Variants in NDST4 observed in about 807,000 individuals in gnomAD.
NDST4 encodes N-deacetylase and N-sulfotransferase 4, also known as N-heparan sulfate sulfotransferase 4.
A neutral mutation model predicts 100.8 loss-of-function variants in NDST4; 63 were observed. The ratio of observed to expected loss-of-function variants is 0.62; its 90% CI spans 0.51 to 0.77. The LOEUF is 0.77. Ranked by LOEUF, NDST4 falls within the 30% of genes least tolerant of loss-of-function variation. The pLI is 0.00. For missense variants in NDST4, 943 were observed against 1,018.4 expected (o/e 0.93, Z 1.01); for synonymous variants, 377 against 361.8 (o/e 1.04, Z -0.48).
chr4:114,915,732 T>C (rs2126216826), intron 6 of NDST4, among the ~76,000 whole-genome samples: 1 of 152,198 alleles, frequency 6.6e-6, no homozygotes, highest in South Asian at 2.1e-4. Flanking sequence ...CAGTGGACAG[T>C]GTAATATTAC....
chr4:114,918,163 C>T (rs1725213028), intron 6 of NDST4, among the ~76,000 whole-genome samples: 1 of 151,950 alleles, frequency 6.6e-6, no homozygotes, highest in African/African-American at 2.4e-5. Context: ...TTCTTTAAGT[C>T]AAACTTGTGC....
chr4:115,089,182 G>A (rs1295218413), intron 1 of NDST4, among the ~76,000 whole-genome samples: 2 of 151,976 alleles, frequency 1.3e-5, no homozygotes, highest in Non-Finnish European at 2.9e-5. Context: ...GTGGTGGATG[G>A]AAGGAGTCTG....
intron 1 of NDST4, among the ~76,000 whole-genome samples, chr4:115,093,681 T>C (rs978909576): frequency 6.6e-6 from 1 of 152,078 alleles, no homozygotes; most frequent in Non-Finnish European, 1.5e-5. Flanking sequence ...ACTATGACTG[T>C]AATGCCATGT....
intron 2 of NDST4, among the ~76,000 whole-genome samples, chr4:115,027,154 C>A (rs1332469927): frequency 6.6e-6 from 1 of 152,082 alleles, no homozygotes; most frequent in African/African-American, 2.4e-5. Context: ...ATGCTTTGTA[C>A]GTAAGTTATT....
Position 115,106,436 on chromosome 4 carries a change from T to TAC in NDST4, c.-247+7007_-247+7008insGT, listed in dbSNP as rs1729835106. Among the ~76,000 whole-genome samples, 4 of 152,178 alleles carry TAC rather than the reference T, an allele frequency of 2.6e-5. No homozygotes were observed. The South Asian group carries it at 8.3e-4, about 32-fold the overall frequency. On this transcript the variant is annotated intron_variant, in intron 1 of 13. Coordinates refer to ENST00000264363, the MANE Select transcript of NDST4 (RefSeq NM_022569.3). ...CATAAGGAGTGGTTCCTGGACCCCC[T>TAC]AACCCTCCAGGACCAAAATCCAGAG...
At chr4:115,058,898 C>T (rs1728756880) in intron 2 of NDST4, among the ~76,000 whole-genome samples, 1 of 151,696 alleles carries the variant, frequency 6.6e-6, no homozygotes, top group Admixed American at 6.6e-5. Flanking sequence ...ACTAATTGTG[C>T]TTTTTTATTT....
chr4:114,933,432 CTTTTTTTTTTTTT>C (rs367931653), intron 6 of NDST4, among the ~76,000 whole-genome samples: 10 of 89,278 alleles, frequency 1.1e-4, no homozygotes, highest in African/African-American at 1.8e-4. Flanking sequence ...TTTTCTTTTC[CTTTTTTTTTTTTT>C]TTTTTTTTTG....
intron 6 of NDST4, among the ~76,000 whole-genome samples, chr4:114,878,403 A>T (rs780544299): frequency 3.9e-5 from 6 of 152,208 alleles, no homozygotes; most frequent in Admixed American, 6.5e-5. Context: ...AATTTGGAGC[A>T]GGCTTCATGA....
At chr4:114,833,542 C>T (rs1054225438) in intron 12 of NDST4, 64 bp downstream of exon 12, 2 of 1,028,378 alleles carry the variant, frequency 1.9e-6, no homozygotes, top group African/African-American at 1.6e-5. Flanking sequence ...TATATACACA[C>T]CTACCAGTGA....
chr4:115,042,585 A>G (rs560271153), intron 2 of NDST4, among the ~76,000 whole-genome samples: 1 of 152,222 alleles, frequency 6.6e-6, no homozygotes, highest in Non-Finnish European at 1.5e-5. Context: ...ACCGTGTCTA[A>G]CTGATAAATT....
intron 2 of NDST4, among the ~76,000 whole-genome samples, chr4:115,060,123 C>T (rs1283020335): frequency 1.3e-5 from 2 of 151,920 alleles, no homozygotes; most frequent in East Asian, 3.9e-4. Context: ...GCATACAAAT[C>T]ATTCAAGGGG....
chr4:114,965,458 T>C (rs1183056671), intron 4 of NDST4, among the ~76,000 whole-genome samples: 1 of 151,922 alleles, frequency 6.6e-6, no homozygotes, highest in Non-Finnish European at 1.5e-5. Flanking sequence ...ATGTATATTG[T>C]GTAATTATGA....
At chr4:115,021,215 T>C (rs1464118429) in intron 2 of NDST4, among the ~76,000 whole-genome samples, 1 of 123,108 alleles carries the variant, frequency 8.1e-6, no homozygotes, top group Non-Finnish European at 1.6e-5. Context: ...ATTCCATATA[T>C]ATATATATTC....
chr4:114,838,057 A>G (rs1009458288), intron 11 of NDST4, among the ~76,000 whole-genome samples: 2 of 152,212 alleles, frequency 1.3e-5, no homozygotes, highest in Non-Finnish European at 2.9e-5. Context: ...TGATCAACAA[A>G]CATATGGAAA....
chr4:115,029,021 A>T (rs1728049576), intron 2 of NDST4, among the ~76,000 whole-genome samples: 1 of 152,162 alleles, frequency 6.6e-6, no homozygotes, highest in Non-Finnish European at 1.5e-5. Context: ...GAATTGGAAG[A>T]AAAATAATTC....
At chr4:114,932,599 T>C (rs1725538444) in intron 6 of NDST4, among the ~76,000 whole-genome samples, 2 of 151,982 alleles carry the variant, frequency 1.3e-5, no homozygotes, top group South Asian at 4.1e-4. Context: ...TAGAAAACTC[T>C]AAATATTCCT....
At chr4:115,080,416 C>A (rs1338755198) in intron 1 of NDST4, among the ~76,000 whole-genome samples, 1 of 152,138 alleles carries the variant, frequency 6.6e-6, no homozygotes, top group African/African-American at 2.4e-5. Flanking sequence ...GGATTGCAGG[C>A]ATGAGTGACT....
chr4:115,109,276 G>T (rs969854815), intron 1 of NDST4, among the ~76,000 whole-genome samples: 1 of 151,826 alleles, frequency 6.6e-6, no homozygotes, highest in African/African-American at 2.4e-5. Context: ...CAACTTCTGT[G>T]TAGTTATAGT....
intron 2 of NDST4, among the ~76,000 whole-genome samples, chr4:115,055,303 C>A (rs1728669850): frequency 6.6e-6 from 1 of 152,016 alleles, no homozygotes; most frequent in Non-Finnish European, 1.5e-5. Flanking sequence ...ATGAAGTGCA[C>A]AATAAATGTA....
Sources: gnomAD v4.1 joint callset for allele counts (sites outside exome capture counted in the v4.1 genomes callset) on GRCh38, gnomAD v4.1.1 for gene constraint, MANE v1.5 for transcripts, NCBI Gene and HGNC (gene_info 2026-07-23, HGNC 2026-07-21) for gene names.